KNL1: variants seen among roughly 807,000 people sequenced by gnomAD.
The protein encoded by KNL1 is kinetochore scaffold 1.
A neutral mutation model predicts 201.3 loss-of-function variants in KNL1; 66 were observed. The observed-to-expected ratio is 0.33, with a 90% CI of 0.27 to 0.40. The LOEUF is 0.40. Ranked by LOEUF, KNL1 falls within the 10% of genes least tolerant of loss-of-function variation. The pLI is 1.00. For synonymous variants in KNL1, 895 were observed against 899.2 expected (o/e 1.00, Z 0.08); for missense variants, 2,815 against 2,690.5 (o/e 1.05, Z -1.02).
intron 16 of KNL1, 141 bp downstream of exon 16, chr15:40,645,913 A>G (rs1415813458): frequency 2.5e-5 from 12 of 485,822 alleles, no homozygotes; most frequent in Non-Finnish European, 3.9e-5. Flanking sequence ...GTAAGGTTCA[A>G]TTTGTCAAAA....
At chr15:40,614,523 A>ACCAC (rs2141711112) in intron 7 of KNL1, among the ~76,000 whole-genome samples, 1 of 152,196 alleles carries the variant, frequency 6.6e-6, no homozygotes, top group East Asian at 1.9e-4. Context: ...GTGAGCCACC[A>ACCAC]CACCCAGCCT....
intron 7 of KNL1, among the ~76,000 whole-genome samples, chr15:40,613,121 C>T (rs1892225502): frequency 6.6e-6 from 1 of 152,076 alleles, no homozygotes; most frequent in African/African-American, 2.4e-5. Flanking sequence ...ATATAATTGA[C>T]TATGCAGCCG....
At chr15:40,607,602 CTT>C (rs892813573) in intron 4 of KNL1, among the ~76,000 whole-genome samples, 2 of 152,008 alleles carry the variant, frequency 1.3e-5, no homozygotes, top group African/African-American at 4.8e-5. Flanking sequence ...TCCTTAATGT[CTT>C]TTAGTTTTTG....
chr15:40,608,896 C>T lies in KNL1; in HGVS notation c.185C>T (p.Ala62Val), dbSNP rs1448036084. The T allele has an allele frequency of 6.2e-7, 1 of 1,609,186 alleles. No individual in the cohort carries two copies. The highest frequency in any genetic ancestry group is 1.1e-5 in the South Asian group (1 of 90,960). Reference sequence around the variant, plus strand: ...AAAAACTCTCGTCGAGTCAGCTTTGCAGATACTATAAAGTAAGTTGAAAGC... The same window carrying T: ...AAAAACTCTCGTCGAGTCAGCTTTGTAGATACTATAAAGTAAGTTGAAAGC... ...NKKNSRRVSFADTIKVFQTES... is the reference protein window; with the variant it reads ...NKKNSRRVSFVDTIKVFQTES... The change falls in exon 5 of 26, where the codon GCA becomes GTA. Residue 62 changes from alanine (A) to valine (V), a missense_variant. Coordinates refer to ENST00000399668, the MANE Select transcript of KNL1 (RefSeq NM_144508.5).
At chr15:40,604,066 C>G (rs1891895731) in intron 2 of KNL1, among the ~76,000 whole-genome samples, 1 of 151,906 alleles carries the variant, frequency 6.6e-6, no homozygotes, top group Non-Finnish European at 1.5e-5. Flanking sequence ...GTGTCCAAGC[C>G]CCACCTGTGG....
At position 40,629,354 on chromosome 15, in the gene KNL1, A is replaced by C; in HGVS notation, c.5665A>C (p.Ser1889Arg). The change falls in exon 13 of 26, where the codon AGC (serine) becomes CGC (arginine). Residue 1889 changes from serine to arginine, a missense_variant. Transcript: ENST00000399668. ...CATCTTGATACAGAAACCCCGACAG[A>C]GCAATCTCCCAGGCAATGTAAGTGC... ...VHILIQKPRQ[S>R]NLPGNFTVNT... The C allele has an allele frequency of 1.9e-6, 3 of 1,604,158 alleles. No homozygotes were observed. Among genetic ancestry groups the C allele is most frequent in the Non-Finnish European group, 2.5e-6 (3 of 1,177,404 alleles).
chr15:40,652,615 C>CA (rs1474449122), intron 21 of KNL1, among the ~76,000 whole-genome samples: 2 of 151,566 alleles, frequency 1.3e-5, no homozygotes, highest in African/African-American at 4.8e-5. Flanking sequence ...ACTAAAACTA[C>CA]AAAAAATGAG....
chr15:40,647,221 T>G, intron 17 of KNL1, 147 bp downstream of exon 17: 1 of 519,254 alleles, frequency 1.9e-6, no homozygotes, highest in Non-Finnish European at 3.5e-6. Flanking sequence ...ACGCCTGTAA[T>G]CCCAGCACTT....
At chr15:40,661,016 T>G (rs1029775453) in intron 25 of KNL1, among the ~76,000 whole-genome samples, 3 of 152,208 alleles carry the variant, frequency 2.0e-5, no homozygotes, top group Non-Finnish European at 4.4e-5. Flanking sequence ...CCTCCTAGAC[T>G]GTGACGTATT....
chr15:40,651,427 C>A, intron 19 of KNL1, 44 bp from the exon 20 acceptor site: 1 of 1,362,794 alleles, frequency 7.3e-7, no homozygotes, highest in South Asian at 1.3e-5. Context: ...AGTGAATTCT[C>A]TAACAAAAAC....
At chr15:40,645,989 T>C (rs1893372562) in intron 16 of KNL1, among the ~76,000 whole-genome samples, 1 of 152,242 alleles carries the variant, frequency 6.6e-6, no homozygotes, top group Non-Finnish European at 1.5e-5. Context: ...ATGTCTCATC[T>C]CAAATACTAT....
In KNL1 at chr15:40,657,126, G is replaced by A. The variant is rs755242483; in HGVS notation, c.6569G>A (p.Cys2190Tyr). 3.6e-5 allele frequency: 57 copies of A among 1,605,608 alleles called. No individual in the cohort carries two copies. The highest frequency in any genetic ancestry group is 4.8e-5 in the Non-Finnish European group (56 of 1,174,854). ...GAAAAGGAATCCTGGAAGAAGACATGTACAACCCAGCATCAGTTACCCAAG... is the reference window on the plus strand; with the variant it reads ...GAAAAGGAATCCTGGAAGAAGACATATACAACCCAGCATCAGTTACCCAAG... ...VEEKESWKKT[C>Y]TTQHQLPKML... Residue 2190 changes from cysteine (C) to tyrosine (Y), a missense_variant, in exon 23 of 26, where the codon TGT (cysteine) becomes TAT (tyrosine). By Grantham distance (194) the Cys-to-Tyr change is radical. Coordinates refer to ENST00000399668, the MANE Select transcript of KNL1 (RefSeq NM_144508.5).
intron 15 of KNL1, 64 bp from the exon 16 acceptor site, chr15:40,645,592 A>C: frequency 1.9e-5 from 15 of 807,718 alleles, no homozygotes; most frequent in Non-Finnish European, 2.9e-5. Flanking sequence ...TAGCCTTCCT[A>C]GACCATTTAC....
chr15:40,618,913 T>C (rs1190291405), intron 8 of KNL1, 46 bp from the exon 9 acceptor site: 4 of 1,236,642 alleles, frequency 3.2e-6, no homozygotes, highest in Non-Finnish European at 4.7e-6. Flanking sequence ...AAAATCAGGC[T>C]CAGTGTTATA....
chr15:40,636,721 C>T (rs1893065202), intron 13 of KNL1, among the ~76,000 whole-genome samples: 2 of 152,126 alleles, frequency 1.3e-5, no homozygotes, highest in Non-Finnish European at 2.9e-5. Context: ...GTCCCAGCTA[C>T]TCGCGAGGCT....
Position 40,623,039 on chromosome 15 carries a change from A to T in KNL1, c.2775A>T (p.Glu925Asp). 6.2e-7 allele frequency: 1 copy of T among 1,613,990 alleles called. No homozygotes were observed. The highest frequency in any genetic ancestry group is 8.5e-7 in the Non-Finnish European group (1 of 1,179,908). Reference sequence around the variant, plus strand: ...CTAGAAGTCACACAACTGCCTTAGAATGTAAAACTGTCTCACCAGATGAAA... The same window carrying T: ...CTAGAAGTCACACAACTGCCTTAGATTGTAAAACTGTCTCACCAGATGAAA... The part of the protein sequence containing the change: ...EITRSHTTAL[E>D]CKTVSPDEIT... The change falls in exon 10 of 26, where the codon GAA becomes GAT. Residue 925 changes from glutamate to aspartate, a missense_variant. Physicochemically the swap from Glu to Asp is conservative, Grantham distance 45. Around this residue, in one of 3 missense-constraint regions of KNL1, gnomAD observed 2,464 missense variants for 2,291.7 expected, o/e 1.08. Coordinates refer to ENST00000399668, the MANE Select transcript of KNL1 (RefSeq NM_144508.5).
chr15:40,617,778 G>A (rs1357509716), intron 8 of KNL1, among the ~76,000 whole-genome samples: 1 of 151,932 alleles, frequency 6.6e-6, no homozygotes, highest in Non-Finnish European at 1.5e-5. Flanking sequence ...CTACCCCATA[G>A]GCAGTGTGCT....
chr15:40,650,718 A>C, intron 19 of KNL1, 135 bp downstream of exon 19: 1 of 703,228 alleles, frequency 1.4e-6, no homozygotes, highest in Non-Finnish European at 2.2e-6. Flanking sequence ...CTCCACTTTG[A>C]ATGGAAACCT....
At chr15:40,613,597 CCT>C (rs1220231875) in intron 7 of KNL1, among the ~76,000 whole-genome samples, 13 of 150,316 alleles carry the variant, frequency 8.6e-5, no homozygotes, top group Non-Finnish European at 1.8e-4. Flanking sequence ...AAAATTATTC[CCT>C]CTTTCCCTCT....
Sources: allele counts gnomAD v4.1 joint callset (sites outside exome capture counted in the v4.1 genomes callset), GRCh38; gene constraint gnomAD v4.1.1; regional missense constraint gnomAD v4.1.1; transcripts MANE v1.5; gene names NCBI Gene and HGNC (gene_info 2026-07-23, HGNC 2026-07-21).